The following BBS9 variants were observed in gnomAD, a reference collection of about 807,000 sequenced individuals.
BBS9 encodes protein PTHB1.
Under a neutral mutation model 117.7 loss-of-function variants are expected in BBS9, and 89 were observed. That is an observed-to-expected ratio of 0.76 (90% CI 0.64 to 0.90). The LOEUF (loss-of-function observed/expected upper bound fraction) is 0.90, where lower values mean the gene tolerates loss of function less well. Among genes scored for constraint, BBS9 ranks in the 40% least tolerant of loss-of-function variants. The pLI, the probability that BBS9 is intolerant of heterozygous loss-of-function variation, is 0.00. For synonymous variants in BBS9, 379 were observed against 370.9 expected, an observed-to-expected ratio of 1.02 and a Z score of -0.25; for missense variants, 982 against 1,042.2, an observed-to-expected ratio of 0.94 and a Z score of 0.80.
At chr7:33,308,501 T>G (rs1172296465) in intron 9 of BBS9, among the ~76,000 whole-genome samples, 3 of 152,206 alleles carry the variant, frequency 2.0e-5, no homozygotes, top group African/African-American at 7.2e-5. Flanking sequence ...TGCTAAGGTG[T>G]CTGTTCAGAA....
intron 16 of BBS9, among the ~76,000 whole-genome samples, chr7:33,361,340 T>C (rs2128696421): frequency 6.6e-6 from 1 of 152,342 alleles, no homozygotes; most frequent in East Asian, 1.9e-4. Context: ...CTACATTTGC[T>C]TGTCAATACA....
At chr7:33,570,709 T>C (rs1471542066) in intron 21 of BBS9, among the ~76,000 whole-genome samples, 1 of 152,198 alleles carries the variant, frequency 6.6e-6, no homozygotes, top group African/African-American at 2.4e-5. Flanking sequence ...CACAGTGTAA[T>C]GAGACATATC....
chr7:33,507,950 G>T (rs1004926299), intron 20 of BBS9, among the ~76,000 whole-genome samples: 2 of 152,136 alleles, frequency 1.3e-5, no homozygotes, highest in Non-Finnish European at 2.9e-5. Context: ...TATGTTCTAA[G>T]TAAGAAAAAT....
intron 19 of BBS9, among the ~76,000 whole-genome samples, chr7:33,406,767 C>G (rs1830076376): frequency 6.6e-6 from 1 of 152,180 alleles, no homozygotes; most frequent in African/African-American, 2.4e-5. Flanking sequence ...TTGGCCCCCA[C>G]TCTCTTCTGG....
intron 21 of BBS9, among the ~76,000 whole-genome samples, chr7:33,577,654 A>G (rs560804395): frequency 3.3e-5 from 5 of 152,344 alleles, no homozygotes; most frequent in African/African-American, 9.6e-5. Context: ...AACCAACCCA[A>G]ATATCCATCA....
chr7:33,310,396 A>T (rs1432287458), intron 9 of BBS9, among the ~76,000 whole-genome samples: 1 of 152,090 alleles, frequency 6.6e-6, no homozygotes, highest in Admixed American at 6.6e-5. Flanking sequence ...AATTTCTTCT[A>T]TGTTGGAAGT....
intron 9 of BBS9, among the ~76,000 whole-genome samples, chr7:33,274,994 C>CAAAA (rs763041758): frequency 2.4e-4 from 14 of 58,632 alleles, no homozygotes; most frequent in South Asian, 6.6e-4. Flanking sequence ...GACTGTGTCT[C>CAAAA]AAAAAAAAAA....
At chr7:33,349,015 A>G (rs1818117161) in intron 12 of BBS9, 53 bp from the exon 13 acceptor site, 1 of 1,236,212 alleles carries the variant, frequency 8.1e-7, no homozygotes, top group Non-Finnish European at 1.2e-6. Flanking sequence ...ACGATAGTCT[A>G]TCAGTTTGAA....
At chr7:33,135,628 CTTTTTTAAT>C (rs1790335255) in intron 1 of BBS9, among the ~76,000 whole-genome samples, 1 of 152,060 alleles carries the variant, frequency 6.6e-6, no homozygotes, top group Non-Finnish European at 1.5e-5. Flanking sequence ...TACCTTTGTT[CTTTTTTAAT>C]TTTGAGATTG....
chr7:33,462,783 A>G (rs961093286), intron 19 of BBS9, among the ~76,000 whole-genome samples: 1 of 152,090 alleles, frequency 6.6e-6, no homozygotes, highest in African/African-American at 2.4e-5. Flanking sequence ...GTTACCCAGG[A>G]AGGGCAAAAG....
At chr7:33,158,383 C>T (rs1794379213) in intron 4 of BBS9, among the ~76,000 whole-genome samples, 1 of 152,140 alleles carries the variant, frequency 6.6e-6, no homozygotes, top group African/African-American at 2.4e-5. Flanking sequence ...ATCATATATG[C>T]TATATTCAGT....
intron 12 of BBS9, among the ~76,000 whole-genome samples, chr7:33,346,661 C>G (rs998899394): frequency 6.6e-6 from 1 of 152,112 alleles, no homozygotes; most frequent in Non-Finnish European, 1.5e-5. Flanking sequence ...TTTGAAAGGG[C>G]CTAGCCCATT....
intron 5 of BBS9, among the ~76,000 whole-genome samples, chr7:33,255,196 T>G (rs1117311): frequency 0.26 from 39,017 of 151,992 alleles, 5,085 homozygotes; most frequent in South Asian, 0.31. Context: ...TTGTGCTTTT[T>G]GTGTCCTATC....
chr7:33,317,984 A>G (rs1366063447), intron 9 of BBS9, among the ~76,000 whole-genome samples: 4 of 152,132 alleles, frequency 2.6e-5, no homozygotes, highest in Admixed American at 2.6e-4. Context: ...CCCAGGAGGC[A>G]GAAGTTGCAG....
intron 5 of BBS9, among the ~76,000 whole-genome samples, chr7:33,210,845 A>T (rs1156421768): frequency 2.6e-5 from 4 of 152,074 alleles, no homozygotes; most frequent in Admixed American, 1.3e-4. Flanking sequence ...TTTGTTTTAT[A>T]TATCTGGGTG....
At chr7:33,179,880 C>G (rs1797855852) in intron 5 of BBS9, among the ~76,000 whole-genome samples, 1 of 152,192 alleles carries the variant, frequency 6.6e-6, no homozygotes, top group Admixed American at 6.5e-5. Context: ...ACTGAGTTCT[C>G]AATTTCTCTT....
intron 17 of BBS9, among the ~76,000 whole-genome samples, chr7:33,376,614 C>A (rs933656187): frequency 6.6e-6 from 1 of 152,180 alleles, no homozygotes; most frequent in Non-Finnish European, 1.5e-5. Flanking sequence ...TGAGGAATTG[C>A]CACACTGCTT....
chr7:33,611,070 G>A (rs531407131), intron 21 of BBS9, among the ~76,000 whole-genome samples: 2 of 152,184 alleles, frequency 1.3e-5, no homozygotes, highest in South Asian at 2.1e-4. Context: ...GGGCCCAGCC[G>A]CTTCATTGGC....
At chr7:33,465,157 G>A (rs926272478) in intron 19 of BBS9, among the ~76,000 whole-genome samples, 3 of 151,668 alleles carry the variant, frequency 2.0e-5, no homozygotes, top group Non-Finnish European at 4.4e-5. Flanking sequence ...GCAGCATGTA[G>A]AGATGGGATC....
Sources: allele counts gnomAD v4.1 joint callset (sites outside exome capture counted in the v4.1 genomes callset), GRCh38; gene constraint gnomAD v4.1.1; transcripts MANE v1.5; gene names NCBI Gene and HGNC (gene_info 2026-07-23, HGNC 2026-07-21).